The following PDE8B variants were observed in gnomAD, a reference collection of about 807,000 sequenced individuals.
The protein encoded by PDE8B is high affinity cAMP-specific and IBMX-insensitive 3',5'-cyclic phosphodiesterase 8B.
A neutral mutation model predicts 101.3 loss-of-function variants in PDE8B; 26 were observed. That is an observed-to-expected ratio of 0.26 (90% CI 0.19 to 0.36). The LOEUF (loss-of-function observed/expected upper bound fraction) is 0.36, where lower values mean the gene tolerates loss of function less well. Ranked by LOEUF, PDE8B falls within the 10% of genes least tolerant of loss-of-function variation. PDE8B has a pLI of 1.00. For missense variants in PDE8B, 810 were observed against 1,163.1 expected (o/e 0.70, Z 4.42); for synonymous variants, 424 against 429.3 (o/e 0.99, Z 0.15).
intron 2 of PDE8B, among the ~76,000 whole-genome samples, chr5:77,319,370 CCTAT>C (rs1223577904): frequency 1.1e-4 from 17 of 152,150 alleles, no homozygotes; most frequent in Non-Finnish European, 1.9e-4. Context: ...TTGGTTTCTG[CCTAT>C]CTGTTATTCA....
At chr5:77,131,869 A>G in the PDE8B span, among the ~76,000 whole-genome samples, 2 of 152,300 alleles carry the variant, frequency 1.3e-5, no homozygotes, top group East Asian at 1.9e-4. Context: ...CCATTCAACA[A>G]ACAGTCCTGC....
intron 10 of PDE8B, among the ~76,000 whole-genome samples, chr5:77,361,464 G>A (rs1344371832): frequency 1.3e-5 from 2 of 151,244 alleles, no homozygotes; most frequent in Non-Finnish European, 2.9e-5. Flanking sequence ...TCACATCACT[G>A]ACAAATGAGT....
the PDE8B span, among the ~76,000 whole-genome samples, chr5:77,158,865 C>T: frequency 6.6e-6 from 1 of 152,118 alleles, no homozygotes; most frequent in Non-Finnish European, 1.5e-5. Context: ...GAATGACAAG[C>T]AACACATGAG....
chr5:77,341,858 G>A (rs1186682595), intron 6 of PDE8B, among the ~76,000 whole-genome samples: 2 of 152,214 alleles, frequency 1.3e-5, no homozygotes, highest in Non-Finnish European at 2.9e-5. Flanking sequence ...ACAGTATACA[G>A]TTCAAATTAG....
chr5:77,248,243 G>C (rs1327134124), intron 1 of PDE8B, among the ~76,000 whole-genome samples: 1 of 152,188 alleles, frequency 6.6e-6, no homozygotes, highest in Non-Finnish European at 1.5e-5. Context: ...TTCACTGTTG[G>C]AACCCAAGGG....
At chr5:77,364,654 C>T (rs533698248) in intron 10 of PDE8B, among the ~76,000 whole-genome samples, 1 of 152,136 alleles carries the variant, frequency 6.6e-6, no homozygotes, top group Non-Finnish European at 1.5e-5. Flanking sequence ...TAAGGAGTGG[C>T]TTCAACTTTT....
At chr5:77,424,833 G>GTTTTTTTTT (rs557961807) in intron 20 of PDE8B, among the ~76,000 whole-genome samples, 1 of 146,904 alleles carries the variant, frequency 6.8e-6, no homozygotes, top group Admixed American at 6.8e-5. Context: ...TTTGTTTTTT[G>GTTTTTTTTT]TTTTTAATGT....
At chr5:77,426,120 C>T (rs1300635628) in intron 21 of PDE8B, 3 of 611,238 alleles carry the variant, frequency 4.9e-6, no homozygotes, top group Non-Finnish European at 8.8e-6. Context: ...GCTGGATAAA[C>T]GAGTCTCTGC....
At chr5:77,209,559 T>A (rs1003157268), upstream of PDE8B, among the ~76,000 whole-genome samples, 4 of 152,108 alleles carry the variant, frequency 2.6e-5, no homozygotes, top group African/African-American at 9.7e-5. Context: ...GAATGGGCAG[T>A]GGTGTCTCGC....
At chr5:77,365,119 C>T (rs754172459) in intron 10 of PDE8B, among the ~76,000 whole-genome samples, 10 of 152,076 alleles carry the variant, frequency 6.6e-5, no homozygotes, top group Admixed American at 1.3e-4. Context: ...CACCTGTGTT[C>T]GATGAGGAGG....
chr5:77,097,734 C>T, the PDE8B span, among the ~76,000 whole-genome samples: 1,326 of 23,608 alleles, frequency 0.056, 4 homozygotes, highest in East Asian at 0.1. Context: ...TATATATATA[C>T]ATACATATGA....
At chr5:77,253,239 G>T (rs1479257056) in intron 1 of PDE8B, among the ~76,000 whole-genome samples, 1 of 152,304 alleles carries the variant, frequency 6.6e-6, no homozygotes, top group Non-Finnish European at 1.5e-5. Context: ...TATTGTAAAT[G>T]AGTATAAATT....
intron 14 of PDE8B, chr5:77,411,251 T>C (rs1240057974): frequency 1.7e-5 from 3 of 172,448 alleles, no homozygotes; most frequent in Non-Finnish European, 3.7e-5. Flanking sequence ...CCCCTAAATA[T>C]GGCTGATGGC....
At chr5:77,219,672 A>C (rs909350632) in intron 1 of PDE8B, among the ~76,000 whole-genome samples, 1 of 152,182 alleles carries the variant, frequency 6.6e-6, no homozygotes, top group Non-Finnish European at 1.5e-5. Flanking sequence ...CTCAGCCACT[A>C]GTGGTCCTGG....
At chr5:77,198,589 G>T in the PDE8B span, among the ~76,000 whole-genome samples, 1 of 152,098 alleles carries the variant, frequency 6.6e-6, no homozygotes, top group Non-Finnish European at 1.5e-5. Context: ...GAAAGCTGGG[G>T]TAGTCATATT....
intron 1 of PDE8B, among the ~76,000 whole-genome samples, chr5:77,248,021 G>A (rs188334709): frequency 6.6e-6 from 1 of 152,342 alleles, no homozygotes; most frequent in African/African-American, 2.4e-5. Flanking sequence ...TATTATAACA[G>A]CACGTCTAAG....
At chr5:77,198,718 G>C in the PDE8B span, among the ~76,000 whole-genome samples, 1 of 152,098 alleles carries the variant, frequency 6.6e-6, no homozygotes, top group South Asian at 2.1e-4. Flanking sequence ...AATGGAAGGA[G>C]GGTAAATTTG....
chr5:77,385,470 A>G (rs1303833696), intron 10 of PDE8B, among the ~76,000 whole-genome samples: 1 of 143,636 alleles, frequency 7.0e-6, no homozygotes, highest in South Asian at 2.2e-4. Context: ...TCGTGTTTCT[A>G]TCTTCTTCAA....
At chr5:77,151,532 G>T in the PDE8B span, 1 of 152,196 alleles carries the variant, frequency 6.6e-6, no homozygotes, top group Non-Finnish European at 1.5e-5. Context: ...GGACCTGATG[G>T]CCAGCAAAAA....
Sources: gnomAD v4.1 joint callset for allele counts (sites outside exome capture counted in the v4.1 genomes callset) on GRCh38, gnomAD v4.1.1 for gene constraint, MANE v1.5 for transcripts, NCBI Gene and HGNC (gene_info 2026-07-23, HGNC 2026-07-21) for gene names.